The following OSBPL8 variants were observed in gnomAD, a reference collection of about 807,000 sequenced individuals.
OSBPL8 encodes oxysterol-binding protein-related protein 8.
In OSBPL8, 59 loss-of-function variants were observed where a neutral mutation model predicts 125.5. The observed-to-expected ratio is 0.47, with a 90% CI of 0.38 to 0.58. OSBPL8 has a LOEUF of 0.58. OSBPL8 is among the 20% of genes least tolerant of loss of function. The pLI is 0.00. For synonymous variants in OSBPL8, 330 were observed against 338.9 expected (o/e 0.97, Z 0.29); for missense variants, 758 against 1,047.8 (o/e 0.72, Z 3.82).
At chr12:76,370,598 T>C (rs978616554) in intron 19 of OSBPL8, among the ~76,000 whole-genome samples, 2 of 152,330 alleles carry the variant, frequency 1.3e-5, no homozygotes, top group South Asian at 2.1e-4. Context: ...TGCTGAATTA[T>C]ATACTCTCAC....
chr12:76,386,776 A>G, intron 12 of OSBPL8, 116 bp from the exon 13 acceptor site: 1 of 644,082 alleles, frequency 1.6e-6, no homozygotes, highest in Non-Finnish European at 2.6e-6. Context: ...TCTTATTTTA[A>G]ATGGATGACA....
chr12:76,517,052 G>T (rs564848973), intron 1 of OSBPL8, among the ~76,000 whole-genome samples: 1 of 152,158 alleles, frequency 6.6e-6, no homozygotes, highest in South Asian at 2.1e-4. Flanking sequence ...GACCTCAAGT[G>T]ATCTGCCTGC....
intron 12 of OSBPL8, 118 bp downstream of exon 12, chr12:76,389,527 G>T: frequency 1.3e-6 from 1 of 773,874 alleles, no homozygotes. Flanking sequence ...GTAGAGAACA[G>T]AGAGTGATGT....
chr12:76,356,206 G>T (rs1311744046), intron 23 of OSBPL8, among the ~76,000 whole-genome samples, 185 bp from the exon 24 acceptor site: 2 of 151,928 alleles, frequency 1.3e-5, no homozygotes, highest in Non-Finnish European at 2.9e-5. Flanking sequence ...ATACTTAAGG[G>T]CTCAGGGAGT....
At chr12:76,383,945 A>G (rs963119003) in intron 15 of OSBPL8, among the ~76,000 whole-genome samples, 2 of 152,168 alleles carry the variant, frequency 1.3e-5, no homozygotes, top group African/African-American at 2.4e-5. Flanking sequence ...CCTTAGATAC[A>G]CTGAAATGAA....
chr12:76,492,012 C>A (rs1000193093), intron 1 of OSBPL8, among the ~76,000 whole-genome samples: 4 of 151,876 alleles, frequency 2.6e-5, no homozygotes, highest in African/African-American at 9.7e-5. Flanking sequence ...AGCAAACAAA[C>A]CCTGCCCTCA....
intron 4 of OSBPL8, among the ~76,000 whole-genome samples, chr12:76,413,404 C>T (rs993406493): frequency 3.9e-5 from 6 of 152,188 alleles, no homozygotes; most frequent in Non-Finnish European, 5.9e-5. Flanking sequence ...ATCCATTCCA[C>T]CATTATCAGA....
chr12:76,556,169 T>C (rs1592917621), intron 1 of OSBPL8, among the ~76,000 whole-genome samples: 1 of 152,194 alleles, frequency 6.6e-6, no homozygotes, highest in African/African-American at 2.4e-5. Flanking sequence ...GAAGTAGACT[T>C]TTTTCATTCA....
At chr12:76,549,158 AC>A (rs1192339696) in intron 1 of OSBPL8, among the ~76,000 whole-genome samples, 4 of 152,168 alleles carry the variant, frequency 2.6e-5, no homozygotes, top group African/African-American at 9.6e-5. Flanking sequence ...ACAGAAAGCA[AC>A]TGCCTACTGA....
At chr12:76,454,229 G>A (rs1323321692) in intron 3 of OSBPL8, among the ~76,000 whole-genome samples, 1 of 152,112 alleles carries the variant, frequency 6.6e-6, no homozygotes, top group East Asian at 1.9e-4. Context: ...GAATAAGAAT[G>A]TTCATAGCAA....
intron 1 of OSBPL8, among the ~76,000 whole-genome samples, chr12:76,501,305 TG>T (rs939970636): frequency 1.3e-5 from 2 of 152,146 alleles, no homozygotes; most frequent in African/African-American, 4.8e-5. Flanking sequence ...ACATGTAAGC[TG>T]GGGGTCAGCA....
chr12:76,483,660 CTTTTTTTT>C (rs869202382), intron 2 of OSBPL8, among the ~76,000 whole-genome samples: 36 of 57,450 alleles, frequency 6.3e-4, no homozygotes, highest in African/African-American at 2.4e-3. Flanking sequence ...CTGTAATAGT[CTTTTTTTT>C]TTTTTTTTTT....
At chr12:76,518,081 C>T (rs1476769007) in intron 1 of OSBPL8, among the ~76,000 whole-genome samples, 4 of 152,190 alleles carry the variant, frequency 2.6e-5, no homozygotes, top group Admixed American at 6.5e-5. Flanking sequence ...TTAAGTCATG[C>T]TGGCATCAAC....
chr12:76,466,217 A>C (rs1408845186), intron 2 of OSBPL8, among the ~76,000 whole-genome samples: 1 of 152,162 alleles, frequency 6.6e-6, no homozygotes, highest in Non-Finnish European at 1.5e-5. Context: ...TATTTTTTAA[A>C]TATGGCATAC....
chr12:76,408,069 G>T (rs774927609), intron 5 of OSBPL8, among the ~76,000 whole-genome samples: 1 of 151,024 alleles, frequency 6.6e-6, no homozygotes, highest in Non-Finnish European at 1.5e-5. Context: ...CTACTTGGGA[G>T]GCTGAGGTGA....
intron 2 of OSBPL8, among the ~76,000 whole-genome samples, chr12:76,471,608 A>G (rs1036644882): frequency 6.6e-6 from 1 of 152,218 alleles, no homozygotes; most frequent in African/African-American, 2.4e-5. Flanking sequence ...AGAGCCTTCT[A>G]AAGTTGTTCA....
At chr12:76,512,875 T>C (rs1309811713) in intron 1 of OSBPL8, among the ~76,000 whole-genome samples, 2 of 152,222 alleles carry the variant, frequency 1.3e-5, no homozygotes, top group African/African-American at 4.8e-5. Context: ...CAGTGTTTTA[T>C]AATTCTCATT....
At chr12:76,447,959 T>C (rs1161658380) in intron 4 of OSBPL8, among the ~76,000 whole-genome samples, 6 of 152,244 alleles carry the variant, frequency 3.9e-5, no homozygotes, top group Non-Finnish European at 8.8e-5. Flanking sequence ...GGACTTTATT[T>C]GGTTTCAGCA....
intron 12 of OSBPL8, among the ~76,000 whole-genome samples, chr12:76,388,387 T>C (rs1481424339): frequency 6.6e-6 from 1 of 152,212 alleles, no homozygotes; most frequent in Non-Finnish European, 1.5e-5. Flanking sequence ...TGATAGTCCC[T>C]GATTGCCAAC....
Sources: allele counts gnomAD v4.1 joint callset (sites outside exome capture counted in the v4.1 genomes callset), GRCh38; gene constraint gnomAD v4.1.1; transcripts MANE v1.5; gene names NCBI Gene and HGNC (gene_info 2026-07-23, HGNC 2026-07-21).